DLG5: variants seen among roughly 807,000 people sequenced by gnomAD.
DLG5 encodes the protein disks large homolog 5.
DLG5 carries 48 observed loss-of-function variants against 189.8 expected under a neutral mutation model. That is an observed-to-expected ratio of 0.25 (90% CI 0.20 to 0.32). The LOEUF is 0.32. Ranked by LOEUF, DLG5 falls within the 10% of genes least tolerant of loss-of-function variation. DLG5 has a pLI of 1.00. For missense variants in DLG5, 2,160 were observed against 2,544.7 expected (o/e 0.85, Z 3.25); for synonymous variants, 1,016 against 1,054.1 (o/e 0.96, Z 0.70).
Position 77,794,085 on chromosome 10 carries a change from T to C in DLG5, c.5579A>G (p.Lys1860Arg), listed in dbSNP as rs1840779606. The change falls in exon 31 of 32, where the codon AAG becomes AGG. Residue 1860 changes from lysine (K) to arginine (R), a missense_variant. Lys to Arg is a conservative substitution (Grantham distance 26, BLOSUM62 2). This residue lies in a region of DLG5 where 574 missense variants were observed against 644.2 expected (regional missense o/e 0.89). Coordinates refer to ENST00000372391, the MANE Select transcript of DLG5 (RefSeq NM_004747.4). ...CTCTTTGGAATGCCTCTGAGTCACC[T>C]TGTCCCTCAGGTAGATGGGGTCTCT... ...EQRDPIYLRD[K>R]VTQRHSKEQF... The C allele has an allele frequency of 3.1e-6, 5 of 1,614,160 alleles. No homozygotes were observed. Among genetic ancestry groups the C allele is most frequent in the Non-Finnish European group, 4.2e-6 (5 of 1,180,022 alleles).
At chr10:77,922,786 C>A (rs769424067) in intron 1 of DLG5, among the ~76,000 whole-genome samples, 1 of 152,180 alleles carries the variant, frequency 6.6e-6, no homozygotes, top group East Asian at 1.9e-4. Context: ...CCTATCAATA[C>A]CGGAATAAGA....
chr10:77,939,956 A>C, the DLG5 span, among the ~76,000 whole-genome samples: 1 of 152,222 alleles, frequency 6.6e-6, no homozygotes, highest in Admixed American at 6.5e-5. Flanking sequence ...TCCAACCCAC[A>C]ACCTGTAGCA....
intron 5 of DLG5, among the ~76,000 whole-genome samples, chr10:77,845,025 G>A (rs1010745548): frequency 6.6e-6 from 1 of 152,340 alleles, no homozygotes; most frequent in Non-Finnish European, 1.5e-5. Context: ...GGCCATGGCC[G>A]CAGGCCTCAC....
chr10:77,916,293 A>AT (rs1564595343), intron 1 of DLG5, among the ~76,000 whole-genome samples: 14 of 150,956 alleles, frequency 9.3e-5, no homozygotes, highest in East Asian at 3.9e-4. Flanking sequence ...GAAGAAAAAA[A>AT]ATTTTTTTTT....
intron 15 of DLG5, chr10:77,820,716 C>T (rs189661245): frequency 4.2e-4 from 109 of 262,140 alleles, no homozygotes; most frequent in Non-Finnish European, 6.6e-4. Context: ...TGACAGCACA[C>T]GCAATCAGGC....
At chr10:77,870,505 A>G (rs1327538726) in intron 1 of DLG5, among the ~76,000 whole-genome samples, 1 of 152,156 alleles carries the variant, frequency 6.6e-6, no homozygotes, top group Non-Finnish European at 1.5e-5. Context: ...CAACATAGTG[A>G]AACTCCATCT....
chr10:77,921,474 G>A (rs1846532447), intron 1 of DLG5, among the ~76,000 whole-genome samples: 1 of 152,178 alleles, frequency 6.6e-6, no homozygotes, highest in Admixed American at 6.5e-5. Flanking sequence ...TCTAATTTCT[G>A]ACAGTGTACA....
Position 77,830,284 on chromosome 10 carries a change from A to C in DLG5, c.1942T>G (p.Phe648Val), listed in dbSNP as rs755553795. The change falls in exon 11 of 32, where the codon TTC (phenylalanine) becomes GTC (valine). Residue 648 changes from phenylalanine (F) to valine (V), a missense_variant. By Grantham distance (50) the Phe-to-Val change is conservative (BLOSUM62 -1). Transcript: ENST00000372391. The stretch of plus-strand genomic sequence containing the variant: ...ACAAATATGCCACAGTCCCCCGGGA[A>C]ACAAGGCTCATTCACACCTTCTGCC... ...DMAEGVNEPC[F>V]PGDCGIFVTK... 1.9e-6 allele frequency: 3 copies of C among 1,614,236 alleles called. No individual in the cohort carries two copies. The East Asian group carries it at 6.7e-5, about 36-fold the overall frequency.
chr10:77,845,988 T>C (rs572625015), intron 5 of DLG5, among the ~76,000 whole-genome samples: 1 of 147,646 alleles, frequency 6.8e-6, no homozygotes, highest in East Asian at 2.0e-4. Context: ...CACATGCCTG[T>C]AATCCCAGCA....
chr10:77,901,264 G>GACT (rs1056751710), intron 1 of DLG5, among the ~76,000 whole-genome samples: 2 of 152,196 alleles, frequency 1.3e-5, no homozygotes, highest in African/African-American at 4.8e-5. Context: ...CATTCATCCT[G>GACT]ACTACTACAG....
chr10:77,817,423 G>A (rs576297095), intron 18 of DLG5, among the ~76,000 whole-genome samples: 17 of 152,264 alleles, frequency 1.1e-4, no homozygotes, highest in East Asian at 1.9e-4. Context: ...ACCTTTGTCC[G>A]ACTCTCCTCT....
At chr10:77,817,384 G>A (rs893041892) in intron 18 of DLG5, among the ~76,000 whole-genome samples, 3 of 152,126 alleles carry the variant, frequency 2.0e-5, no homozygotes, top group Non-Finnish European at 4.4e-5. Flanking sequence ...TCTCCCCAGC[G>A]CCAGAGTTCC....
At chr10:77,827,286 C>A (rs887054975) in intron 13 of DLG5, among the ~76,000 whole-genome samples, 3 of 152,124 alleles carry the variant, frequency 2.0e-5, no homozygotes, top group African/African-American at 7.2e-5. Context: ...AGTGCAGTGG[C>A]GCGATCTCGG....
At chr10:77,876,176 A>G (rs1845081816) in intron 1 of DLG5, among the ~76,000 whole-genome samples, 1 of 152,174 alleles carries the variant, frequency 6.6e-6, no homozygotes, top group Admixed American at 6.5e-5. Flanking sequence ...GCGCTAAAAA[A>G]AAAAAAAATC....
chr10:77,837,942 G>A (rs564918849), intron 7 of DLG5, among the ~76,000 whole-genome samples: 1 of 152,240 alleles, frequency 6.6e-6, no homozygotes, highest in Non-Finnish European at 1.5e-5. Context: ...CAGAGGGCCA[G>A]AGCCCACTCG....
intron 7 of DLG5, among the ~76,000 whole-genome samples, chr10:77,837,545 A>G (rs1249866125): frequency 6.6e-6 from 1 of 152,168 alleles, no homozygotes; most frequent in African/African-American, 2.4e-5. Context: ...GCTTCCTTAT[A>G]AGGAATACAA....
At chr10:77,919,584 C>CTTTT (rs71030919) in intron 1 of DLG5, among the ~76,000 whole-genome samples, 1 of 67,734 alleles carries the variant, frequency 1.5e-5, no homozygotes, top group Non-Finnish European at 3.0e-5. Context: ...CAGTTCAGGG[C>CTTTT]TTTTTTTTTT....
At chr10:77,873,638 GC>G (rs1349260581) in intron 1 of DLG5, among the ~76,000 whole-genome samples, 2 of 152,018 alleles carry the variant, frequency 1.3e-5, no homozygotes, top group Non-Finnish European at 2.9e-5. Context: ...ATGGAAGCAC[GC>G]CCCCAACACA....
chr10:77,923,001 T>G (rs1025925944), intron 1 of DLG5, among the ~76,000 whole-genome samples: 2 of 152,244 alleles, frequency 1.3e-5, no homozygotes, highest in African/African-American at 4.8e-5. Context: ...CGTGGTAGGC[T>G]GCTGCCGATG....
Sources: gnomAD v4.1 joint callset for allele counts (sites outside exome capture counted in the v4.1 genomes callset) on GRCh38, gnomAD v4.1.1 for gene constraint, gnomAD v4.1.1 regional missense constraint, MANE v1.5 for transcripts, NCBI Gene and HGNC (gene_info 2026-07-23, HGNC 2026-07-21) for gene names.